Variants in SVIP observed in about 807,000 individuals in gnomAD.
SVIP encodes small VCP interacting protein, also known as small VCP/p97-interacting protein.
Under a neutral mutation model 12.9 loss-of-function variants are expected in SVIP, and 14 were observed. The observed-to-expected ratio is 1.08, with a 90% CI of 0.72 to 1.70. SVIP has a LOEUF of 1.70. Among genes scored for constraint, SVIP ranks in the 40% most tolerant of loss-of-function variants. SVIP has a pLI of 0.00. For missense variants in SVIP, 93 were observed against 90.8 expected (o/e 1.02, Z -0.10); for synonymous variants, 35 against 33.3 (o/e 1.05, Z -0.17).
Position 22,827,252 on chromosome 11 carries a change from T to C in SVIP, c.174A>G (p.Glu58=). 1 of 1,611,376 alleles carries C rather than the reference T, an allele frequency of 6.2e-7. No individual in the cohort carries two copies. The highest frequency in any genetic ancestry group is 8.5e-7 in the Non-Finnish European group (1 of 1,179,068). ...QEKRKKKEKI[E]KQIATSGPPP... is the part of the protein sequence containing the mutation. ...GGGGCCCGGATGTAGCAATTTGTTTTTCTATTTTTTCCTTTTTCTTTCTCT... is the reference window on the plus strand; with the variant it reads ...GGGGCCCGGATGTAGCAATTTGTTTCTCTATTTTTTCCTTTTTCTTTCTCT... Residue 58 remains glutamate, a synonymous_variant, in exon 3 of 4, where the codon GAA becomes GAG. Coordinates refer to ENST00000354193, the MANE Select transcript of SVIP (RefSeq NM_148893.3).
chr11:22,829,628 C>A (rs980450913), intron 1 of SVIP, 67 bp downstream of exon 1: 38 of 1,491,346 alleles, frequency 2.5e-5, no homozygotes, highest in Non-Finnish European at 3.2e-5. Flanking sequence ...TGGCTCGGCC[C>A]GCCCCGCAAC....
intron 3 of SVIP, among the ~76,000 whole-genome samples, chr11:22,825,840 AACTTAATACCTTCACC>A (rs1857678765): frequency 6.6e-6 from 1 of 152,186 alleles, no homozygotes; most frequent in Non-Finnish European, 1.5e-5. Context: ...GTATGACTTT[AACTTAATACCTTCACC>A]ACTTCTACTG....
rs1342732867 is a variant in SVIP at position 22,821,869 on chromosome 11, C to T, written c.*1250G>A. 6.6e-6 allele frequency: 1 copy of T among 152,086 alleles called. No individual in the cohort carries two copies. 9.4% of individuals were successfully genotyped at this position (152,086 alleles called of 1,614,324 possible). A position where few individuals can be genotyped will look rare whatever the true frequency, so the allele number is the denominator to read the frequency against. On this transcript the variant is annotated 3_prime_UTR_variant, in exon 4 of 4. Transcript: ENST00000354193. ...TCAAACTTTTAAAAATTAACATGTACAATACACTGCAGTATAACATAATTT... is the reference window on the plus strand; with the variant it reads ...TCAAACTTTTAAAAATTAACATGTATAATACACTGCAGTATAACATAATTT...
chr11:22,824,419 GTT>G (rs1377242528), intron 3 of SVIP, among the ~76,000 whole-genome samples: 5 of 64,702 alleles, frequency 7.7e-5, no homozygotes, highest in Non-Finnish European at 1.6e-4. Context: ...ATTATTGGGT[GTT>G]TTATATATAT....
In SVIP at chr11:22,822,406, C is replaced by G. The variant is rs1447675428; in HGVS notation, c.*713G>C. Reference sequence around the variant, plus strand: ...CATTCAATTACTACAAAGATCCTTACAGAGCTGAATTTAATATACAATAGA... The same window carrying G: ...CATTCAATTACTACAAAGATCCTTAGAGAGCTGAATTTAATATACAATAGA... On this transcript the variant is annotated 3_prime_UTR_variant, in exon 4 of 4. Coordinates refer to ENST00000354193, the MANE Select transcript of SVIP (RefSeq NM_148893.3). The G allele has an allele frequency of 6.6e-6, 1 of 152,104 alleles. No individual in the cohort carries two copies. Among genetic ancestry groups the G allele is most frequent in the African/African-American group, 2.4e-5 (1 of 41,438 alleles). 9.4% of individuals were successfully genotyped at this position (152,104 alleles called of 1,614,324 possible).
chr11:22,827,470 C>T (rs1249965327), intron 2 of SVIP, 150 bp from the exon 3 acceptor site: 5 of 649,448 alleles, frequency 7.7e-6, no homozygotes, highest in Non-Finnish European at 1.3e-5. Flanking sequence ...GTTTCTACAA[C>T]AGCCTTACAT....
chr11:22,824,769 C>T (rs1857631211), intron 3 of SVIP, among the ~76,000 whole-genome samples: 1 of 152,088 alleles, frequency 6.6e-6, no homozygotes, highest in African/African-American at 2.4e-5. Flanking sequence ...TCTGGGTTCA[C>T]ATTAGATTAC....
intron 2 of SVIP, among the ~76,000 whole-genome samples, chr11:22,827,521 A>G (rs1165935772): frequency 6.6e-6 from 1 of 152,096 alleles, no homozygotes; most frequent in Non-Finnish European, 1.5e-5. Flanking sequence ...AACTATACAA[A>G]TTTTCCCCTA....
chr11:22,824,213 G>A (rs567149129), intron 3 of SVIP, among the ~76,000 whole-genome samples: 2 of 152,044 alleles, frequency 1.3e-5, no homozygotes, highest in South Asian at 4.2e-4. Flanking sequence ...TTTGAGCCAG[G>A]GAGTCAAGAA....
Position 22,822,122 on chromosome 11 carries a change from T to G in SVIP, c.*997A>C, listed in dbSNP as rs1857508180. 1 of 152,204 alleles carries G rather than the reference T, an allele frequency of 6.6e-6. No individual in the cohort carries two copies. Among genetic ancestry groups the G allele is most frequent in the Non-Finnish European group, 1.5e-5 (1 of 68,006 alleles). 9.4% of individuals were successfully genotyped at this position (152,204 alleles called of 1,614,324 possible). A position where few individuals can be genotyped will look rare whatever the true frequency, so the allele number is the denominator to read the frequency against. ...GAAACAAAAAATGCTATAAAATTCA[T>G]GTTTCTAATGAACAAAAATGTTAAG... On this transcript the variant is annotated 3_prime_UTR_variant, in exon 4 of 4. Coordinates refer to ENST00000354193, the MANE Select transcript of SVIP (RefSeq NM_148893.3).
Position 22,828,966 on chromosome 11 carries a change from C to T in SVIP, c.54+729G>A, listed in dbSNP as rs185854007. ...AAGTGTACATGTATTGTACCACACA[C>T]CCACTAGCTACATTTGAATTTCAGA... On this transcript the variant is annotated intron_variant, in intron 1 of 3. Coordinates refer to ENST00000354193, the MANE Select transcript of SVIP (RefSeq NM_148893.3). Among the ~76,000 whole-genome samples the T allele has an allele frequency of 2.4e-4, 37 of 152,278 alleles. No individual in the cohort carries two copies. In the East Asian group the frequency reaches 6.4e-3, roughly 26 times the overall value.
intron 3 of SVIP, among the ~76,000 whole-genome samples, chr11:22,826,999 C>G (rs1274127672): frequency 2.0e-5 from 3 of 151,856 alleles, no homozygotes; most frequent in African/African-American, 7.3e-5. Context: ...AATAATAAAT[C>G]TATTATTTCA....
chr11:22,827,449 A>G, intron 2 of SVIP, 129 bp from the exon 3 acceptor site: 1 of 722,586 alleles, frequency 1.4e-6, no homozygotes. Context: ...TTTTGGTAAC[A>G]TAGAAGGAGT....
rs539975678 is a variant in SVIP, at chr11:22,825,659, A to T, written c.219+1548T>A. ...GGATTGTAAGTAATATAAGGCCTAAATTTTTTTTTTAATCTATAGACTTCA... is the reference window on the plus strand; with the variant it reads ...GGATTGTAAGTAATATAAGGCCTAATTTTTTTTTTTAATCTATAGACTTCA... On this transcript the variant is annotated intron_variant, in intron 3 of 3. Coordinates refer to ENST00000354193, the MANE Select transcript of SVIP (RefSeq NM_148893.3). 5.3e-5 allele frequency among the ~76,000 whole-genome samples: 8 copies of T among 150,922 alleles called. No homozygotes were observed. In the East Asian group the frequency reaches 5.8e-4, roughly 11 times the overall value.
intron 1 of SVIP, chr11:22,829,458 A>G: frequency 6.8e-6 from 3 of 438,640 alleles, no homozygotes; most frequent in Non-Finnish European, 8.1e-6. Flanking sequence ...GAAAGACGCC[A>G]CAGCCGCCTT....
chr11:22,822,972 G>C lies in SVIP; in HGVS notation c.*147C>G, dbSNP rs923920020. The C allele has an allele frequency of 1.6e-6, 1 of 630,194 alleles. No individual in the cohort carries two copies. The highest frequency in any genetic ancestry group is 2.6e-5 in the South Asian group (1 of 38,146). 39.0% of individuals were successfully genotyped at this position (630,194 alleles called of 1,614,324 possible). A position where few individuals can be genotyped will look rare whatever the true frequency, so the allele number is the denominator to read the frequency against. Reference sequence around the variant, plus strand: ...CCATTCTCTAAGCTTGAAAATCAACGTTTTTTTAGCATTGCACTTAAGGGC... The same window carrying C: ...CCATTCTCTAAGCTTGAAAATCAACCTTTTTTTAGCATTGCACTTAAGGGC... On this transcript the variant is annotated 3_prime_UTR_variant, in exon 4 of 4. Coordinates refer to ENST00000354193, the MANE Select transcript of SVIP (RefSeq NM_148893.3).
At chr11:22,829,659 C>T (rs1334600332) in intron 1 of SVIP, 36 bp downstream of exon 1, 1 of 1,556,916 alleles carries the variant, frequency 6.4e-7, no homozygotes, top group Non-Finnish European at 8.7e-7. Flanking sequence ...GTGCTCAAGG[C>T]GCGGCCCGGC....
At chr11:22,826,292 A>G (rs1046434260) in intron 3 of SVIP, among the ~76,000 whole-genome samples, 2 of 152,088 alleles carry the variant, frequency 1.3e-5, no homozygotes, top group South Asian at 2.1e-4. Context: ...CTGCCCCACA[A>G]GTTACGAGAG....
intron 3 of SVIP, among the ~76,000 whole-genome samples, chr11:22,823,485 C>T (rs896928186): frequency 6.6e-6 from 1 of 152,214 alleles, no homozygotes; most frequent in South Asian, 2.1e-4. Flanking sequence ...CTGTTCCAGT[C>T]CCTCCCTAAA....
Sources: allele counts gnomAD v4.1 joint callset (sites outside exome capture counted in the v4.1 genomes callset), GRCh38; gene constraint gnomAD v4.1.1; transcripts MANE v1.5; gene names NCBI Gene and HGNC (gene_info 2026-07-23, HGNC 2026-07-21).